The following GALNT13 variants were observed in gnomAD, a reference collection of about 807,000 sequenced individuals.
GALNT13 encodes polypeptide N-acetylgalactosaminyltransferase 13.
A neutral mutation model predicts 64.2 loss-of-function variants in GALNT13; 28 were observed. The ratio of observed to expected loss-of-function variants is 0.44; its 90% CI spans 0.32 to 0.60. The LOEUF (loss-of-function observed/expected upper bound fraction) is 0.60. Ranked by LOEUF, GALNT13 falls within the 20% of genes least tolerant of loss-of-function variation. The pLI is 0.05. For missense variants in GALNT13, 577 were observed against 669.8 expected (o/e 0.86, Z 1.53); for synonymous variants, 214 against 224.6 (o/e 0.95, Z 0.42).
At chr2:154,166,749 T>G (rs1378506960) in intron 4 of GALNT13, among the ~76,000 whole-genome samples, 1 of 152,186 alleles carries the variant, frequency 6.6e-6, no homozygotes, top group African/African-American at 2.4e-5. Context: ...AGTGATAGAC[T>G]GGATTAAGAA....
chr2:153,699,939 T>G, the GALNT13 span, among the ~76,000 whole-genome samples: 1 of 152,198 alleles, frequency 6.6e-6, no homozygotes, highest in Non-Finnish European at 1.5e-5. Context: ...CCATTTCTTC[T>G]GAAACTATTC....
chr2:153,292,184 T>A, the GALNT13 span, among the ~76,000 whole-genome samples: 2 of 152,184 alleles, frequency 1.3e-5, no homozygotes, highest in Non-Finnish European at 2.9e-5. Flanking sequence ...CCAAAGGATG[T>A]GAACCATTAG....
chr2:154,212,510 C>T (rs947532393), intron 4 of GALNT13, among the ~76,000 whole-genome samples: 3 of 152,184 alleles, frequency 2.0e-5, no homozygotes, highest in African/African-American at 7.2e-5. Flanking sequence ...TCCCAAAGTG[C>T]TGGGATTACA....
chr2:153,478,071 C>A, the GALNT13 span: 1 of 629,128 alleles, frequency 1.6e-6, no homozygotes, highest in South Asian at 2.0e-5. Flanking sequence ...TGAGGACTTT[C>A]AGAGGGCGAG....
At chr2:153,855,800 A>AT in the GALNT13 span, among the ~76,000 whole-genome samples, 5 of 152,172 alleles carry the variant, frequency 3.3e-5, no homozygotes, top group Non-Finnish European at 7.4e-5. Flanking sequence ...TCGTAGCAGC[A>AT]TTTTTCATAA....
intron 1 of GALNT13, among the ~76,000 whole-genome samples, chr2:153,890,672 C>G (rs1405154104): frequency 6.6e-6 from 1 of 151,980 alleles, no homozygotes; most frequent in Non-Finnish European, 1.5e-5. Context: ...GCAACAAAAA[C>G]AGAAGAGAAA....
the GALNT13 span, among the ~76,000 whole-genome samples, chr2:153,361,053 G>A: frequency 6.6e-6 from 1 of 152,054 alleles, no homozygotes; most frequent in Non-Finnish European, 1.5e-5. Flanking sequence ...CAGCCTCTTC[G>A]AGTGACATAT....
chr2:153,862,235 C>T, the GALNT13 span, among the ~76,000 whole-genome samples: 1 of 152,034 alleles, frequency 6.6e-6, no homozygotes, highest in African/African-American at 2.4e-5. Context: ...ATATAATAAC[C>T]TTTTGTTCAG....
chr2:153,219,832 A>G, the GALNT13 span, among the ~76,000 whole-genome samples: 3 of 152,190 alleles, frequency 2.0e-5, no homozygotes, highest in Admixed American at 6.5e-5. Context: ...CTCAAAGCTG[A>G]GTTATTGCTG....
At chr2:154,136,270 G>A (rs958020970) in intron 3 of GALNT13, among the ~76,000 whole-genome samples, 2 of 152,116 alleles carry the variant, frequency 1.3e-5, no homozygotes, top group African/African-American at 4.8e-5. Context: ...AGGCATATGG[G>A]ATATTATTCA....
intron 9 of GALNT13, among the ~76,000 whole-genome samples, chr2:154,370,276 C>T (rs1260465949): frequency 1.3e-5 from 2 of 151,924 alleles, no homozygotes; most frequent in Non-Finnish European, 2.9e-5. Flanking sequence ...TGATTTTATC[C>T]TAAGAGATCC....
At chr2:154,352,803 A>T (rs1439394121) in intron 9 of GALNT13, among the ~76,000 whole-genome samples, 1 of 152,158 alleles carries the variant, frequency 6.6e-6, no homozygotes, top group East Asian at 1.9e-4. Context: ...ACTGTCTTTC[A>T]GCTCTGTCTA....
At chr2:154,209,799 GA>G (rs1442851457) in intron 4 of GALNT13, among the ~76,000 whole-genome samples, 1 of 151,960 alleles carries the variant, frequency 6.6e-6, no homozygotes, top group Non-Finnish European at 1.5e-5. Context: ...TACATATGTG[GA>G]ATAATTAAAT....
the GALNT13 span, among the ~76,000 whole-genome samples, chr2:153,563,910 C>A: frequency 4.6e-5 from 7 of 152,090 alleles, no homozygotes; most frequent in Non-Finnish European, 1.0e-4. Context: ...ACATTGGAAC[C>A]AGTGTATCCT....
At chr2:153,559,167 C>T in the GALNT13 span, among the ~76,000 whole-genome samples, 388 of 152,192 alleles carry the variant, frequency 2.5e-3, no homozygotes, top group African/African-American at 9.0e-3. Context: ...ATTATAATAG[C>T]TAACAAAATT....
chr2:154,390,366 C>G (rs1380165276), intron 9 of GALNT13, among the ~76,000 whole-genome samples: 2 of 152,150 alleles, frequency 1.3e-5, no homozygotes, highest in East Asian at 3.9e-4. Context: ...TTTCCTGATA[C>G]TCTTTCTCCT....
At chr2:153,444,160 A>G in the GALNT13 span, among the ~76,000 whole-genome samples, 7 of 152,034 alleles carry the variant, frequency 4.6e-5, no homozygotes, top group African/African-American at 1.7e-4. Flanking sequence ...CCTATCTATC[A>G]TCTATCATTT....
At chr2:153,354,269 C>T in the GALNT13 span, 1 of 152,210 alleles carries the variant, frequency 6.6e-6, no homozygotes, top group African/African-American at 2.4e-5. Flanking sequence ...TTTGAGCAAA[C>T]ATCACATAAG....
At chr2:153,553,618 C>G in the GALNT13 span, among the ~76,000 whole-genome samples, 5 of 152,104 alleles carry the variant, frequency 3.3e-5, no homozygotes, top group Non-Finnish European at 5.9e-5. Flanking sequence ...AAAGAATATT[C>G]CTATGGTAGA....
Sources: allele counts gnomAD v4.1 joint callset (sites outside exome capture counted in the v4.1 genomes callset), GRCh38; gene constraint gnomAD v4.1.1; transcripts MANE v1.5; gene names NCBI Gene and HGNC (gene_info 2026-07-23, HGNC 2026-07-21).